The following CFAP20DC variants were observed in gnomAD, a reference collection of about 807,000 sequenced individuals.
CFAP20DC encodes protein CFAP20DC.
Under a neutral mutation model 101.7 loss-of-function variants are expected in CFAP20DC, and 84 were observed. That is an observed-to-expected ratio of 0.83 (90% CI 0.69 to 0.99). CFAP20DC has a LOEUF of 0.99. Among genes scored for constraint, CFAP20DC ranks in the 50% least tolerant of loss-of-function variants. The probability of loss-of-function intolerance (pLI) is 0.00; values close to 1 mark genes in which losing one functional copy is unlikely to be tolerated. For missense variants in CFAP20DC, 1,007 were observed against 970.3 expected (o/e 1.04, Z -0.50); for synonymous variants, 359 against 351.2 (o/e 1.02, Z -0.25).
chr3:59,033,948 G>C (rs2094045190), intron 4 of CFAP20DC, among the ~76,000 whole-genome samples: 1 of 152,194 alleles, frequency 6.6e-6, no homozygotes, highest in South Asian at 2.1e-4. Context: ...GGCAGCCAGA[G>C]AGAAAGGTTA....
At chr3:59,023,159 T>G (rs960991715) in intron 4 of CFAP20DC, among the ~76,000 whole-genome samples, 4 of 145,442 alleles carry the variant, frequency 2.8e-5, no homozygotes, top group Non-Finnish European at 5.9e-5. Flanking sequence ...ACTCTCTTGT[T>G]TTTTTTTTTT....
rs182828854 is a variant in CFAP20DC at position 58,938,543 on chromosome 3, G to A, written c.279-781C>T. Among the ~76,000 whole-genome samples, 9 of 152,026 alleles carry A rather than the reference G, an allele frequency of 5.9e-5. No homozygotes were observed. In the South Asian group the frequency reaches 1.0e-3, roughly 18 times the overall value. On this transcript the variant is annotated intron_variant, in intron 4 of 16. Coordinates refer to ENST00000482387, the MANE Select transcript of CFAP20DC (RefSeq NM_001394063.1). The stretch of plus-strand genomic sequence containing the variant: ...TTTTATTTGAGAATGATTTTTCCCC[G>A]TTATTAGGGAAAAACTTTGTTTAGA...
At chr3:58,723,592 T>C (rs1024227451) in intron 3 of CFAP20DC, among the ~76,000 whole-genome samples, 76 of 152,364 alleles carry the variant, frequency 5.0e-4, no homozygotes, top group African/African-American at 1.7e-3. Flanking sequence ...TATTATATGA[T>C]TCTCTTTGCT....
chr3:58,719,444 G>C (rs1393009694), intron 3 of CFAP20DC, among the ~76,000 whole-genome samples: 1 of 152,200 alleles, frequency 6.6e-6, no homozygotes, highest in Non-Finnish European at 1.5e-5. Context: ...CTTTGTAATA[G>C]CATGTATGTG....
chr3:58,762,111 G>C lies in CFAP20DC; in HGVS notation c.2238-8248C>G, dbSNP rs532643231. On this transcript the variant is annotated intron_variant, in intron 15 of 16. Transcript: ENST00000482387. Reference sequence around the variant, plus strand: ...TATGCTTGTTAACTTTCTGTCTCATGGATCTGTCTAATGTTGACAGTGGGG... The same window carrying C: ...TATGCTTGTTAACTTTCTGTCTCATCGATCTGTCTAATGTTGACAGTGGGG... Among the ~76,000 whole-genome samples, 308 of 151,952 alleles carry C rather than the reference G, an allele frequency of 2.0e-3. 3 individuals are homozygous for C. The highest frequency in any genetic ancestry group is 7.2e-3 in the African/African-American group (298 of 41,416).
chr3:58,831,980 C>A, intron 13 of CFAP20DC, 91 bp from the exon 14 acceptor site: 1 of 1,088,630 alleles, frequency 9.2e-7, no homozygotes, highest in Non-Finnish European at 1.4e-6. Flanking sequence ...TACAGCAGCT[C>A]CCCCAACTGA....
chr3:59,029,025 C>G (rs1169650725), intron 4 of CFAP20DC, among the ~76,000 whole-genome samples: 1 of 152,162 alleles, frequency 6.6e-6, no homozygotes, highest in Non-Finnish European at 1.5e-5. Context: ...ATATGTTCCC[C>G]ACTGATCTTG....
chr3:59,040,358 T>C (rs1699252254), intron 3 of CFAP20DC, among the ~76,000 whole-genome samples: 1 of 152,074 alleles, frequency 6.6e-6, no homozygotes, highest in Non-Finnish European at 1.5e-5. Flanking sequence ...TGATTTTATA[T>C]TACCTCTCCA....
chr3:58,942,893 C>T (rs529302341), intron 4 of CFAP20DC, among the ~76,000 whole-genome samples: 8 of 152,274 alleles, frequency 5.3e-5, no homozygotes, highest in African/African-American at 1.4e-4. Flanking sequence ...GTGGGGGAAG[C>T]GGCGTCTGCC....
chr3:58,896,148 C>T (rs2082654441), intron 6 of CFAP20DC, among the ~76,000 whole-genome samples: 1 of 152,144 alleles, frequency 6.6e-6, no homozygotes, highest in African/African-American at 2.4e-5. Context: ...ATGAATTTAT[C>T]CATTTCTACT....
rs1252488985 is a variant in CFAP20DC at position 59,007,102 on chromosome 3, A to T, written c.278+32455T>A. ...ACTTCCCTGGCAAACTATACTGCAC[A>T]GCAGAGGTAGCCATACTTCCCTCTG... On this transcript the variant is annotated intron_variant, in intron 4 of 16. Transcript: ENST00000482387. The surrounding 1 kb of genome is among the most constrained non-coding windows in gnomAD (Gnocchi z 4.4). Among the ~76,000 whole-genome samples the T allele has an allele frequency of 2.6e-5, 4 of 152,146 alleles. No homozygotes were observed. The highest frequency in any genetic ancestry group is 5.9e-5 in the Non-Finnish European group (4 of 68,020).
At chr3:58,787,904 G>C (rs1410484559) in intron 15 of CFAP20DC, among the ~76,000 whole-genome samples, 2 of 151,472 alleles carry the variant, frequency 1.3e-5, no homozygotes, top group Admixed American at 1.3e-4. Context: ...ACCAAACACT[G>C]CATGTTCTCA....
intron 4 of CFAP20DC, among the ~76,000 whole-genome samples, chr3:58,977,905 T>C (rs941844919): frequency 6.6e-6 from 1 of 151,916 alleles, no homozygotes; most frequent in Non-Finnish European, 1.5e-5. Flanking sequence ...GAAAGAAGTG[T>C]GGGAAGGAGG....
intron 4 of CFAP20DC, among the ~76,000 whole-genome samples, chr3:58,941,499 A>G (rs1415046676): frequency 6.6e-6 from 1 of 152,100 alleles, no homozygotes; most frequent in African/African-American, 2.4e-5. Flanking sequence ...GATTTTATAC[A>G]TAAACAATCA....
Position 58,862,214 on chromosome 3 carries a change from G to A in CFAP20DC, c.1593+1344C>T, listed in dbSNP as rs532282161. ...TGCTTTTGCATTAGTAAGAGAGATTGTGCTGTGCATATGGGAAGGGGATGA... is the reference window on the plus strand; with the variant it reads ...TGCTTTTGCATTAGTAAGAGAGATTATGCTGTGCATATGGGAAGGGGATGA... On this transcript the variant is annotated intron_variant, in intron 12 of 16. Coordinates refer to ENST00000482387, the MANE Select transcript of CFAP20DC (RefSeq NM_001394063.1). 97 of 984,894 alleles carry A rather than the reference G, an allele frequency of 9.8e-5. No homozygotes were observed. The African/African-American group carries it at 1.6e-3, about 16-fold the overall frequency. The allele number at this position is 984,894 out of a possible 1,614,324, so 61.0% of individuals were successfully genotyped here. A position where few individuals can be genotyped will look rare whatever the true frequency, so the allele number is the denominator to read the frequency against.
At chr3:58,871,921 CCCTCG>C in intron 7 of CFAP20DC, among the ~76,000 whole-genome samples, 1 of 152,096 alleles carries the variant, frequency 6.6e-6, no homozygotes, top group Non-Finnish European at 1.5e-5. Context: ...GCTCTCTATT[CCCTCG>C]CCTCCTGACT....
chr3:59,048,694 TAG>T (rs1700068190), intron 1 of CFAP20DC, among the ~76,000 whole-genome samples: 2 of 151,078 alleles, frequency 1.3e-5, no homozygotes. Context: ...ATGAGGCAAG[TAG>T]TGTTAGGTGA....
At chr3:58,982,123 G>A (rs916847992) in intron 4 of CFAP20DC, among the ~76,000 whole-genome samples, 2 of 152,220 alleles carry the variant, frequency 1.3e-5, no homozygotes, top group African/African-American at 4.8e-5. Flanking sequence ...ACCATCACTG[G>A]CCATCAGAGA....
chr3:58,854,505 C>A (rs536693405), intron 12 of CFAP20DC, among the ~76,000 whole-genome samples: 1,577 of 152,138 alleles, frequency 0.01, 22 homozygotes, highest in African/African-American at 0.037. Flanking sequence ...CATATGGCAC[C>A]AAAAAAGAGC....
Sources: allele counts gnomAD v4.1 joint callset (sites outside exome capture counted in the v4.1 genomes callset), GRCh38; gene constraint gnomAD v4.1.1; non-coding constraint Gnocchi (gnomAD v3.1); transcripts MANE v1.5; gene names NCBI Gene and HGNC (gene_info 2026-07-23, HGNC 2026-07-21).